SH3BGRL: variants seen among roughly 807,000 people sequenced by gnomAD.
SH3BGRL encodes adapter SH3BGRL.
Under a neutral mutation model 9.8 loss-of-function variants are expected in SH3BGRL, and 7 were observed. The ratio of observed to expected loss-of-function variants is 0.72; its 90% CI spans 0.41 to 1.35. The LOEUF (loss-of-function observed/expected upper bound fraction) is 1.35. Ranked by LOEUF, SH3BGRL falls within the 40% of genes most tolerant of loss-of-function variation. The pLI is 0.01. For synonymous variants in SH3BGRL, 36 were observed against 29.1 expected (o/e 1.24, Z -0.76); for missense variants, 73 against 84.4 (o/e 0.86, Z 0.53).
intron 1 of SH3BGRL, among the ~76,000 whole-genome samples, chrX:81,210,369 A>G (rs1032826426): frequency 1.8e-5 from 2 of 111,434 alleles, no homozygotes; most frequent in African/African-American, 3.3e-5. Context: ...GTTATATCAA[A>G]TTTGATTTAG....
chrX:81,274,234 A>G (rs2075790158), intron 1 of SH3BGRL, among the ~76,000 whole-genome samples: 1 of 111,299 alleles, frequency 9.0e-6, no homozygotes, highest in Admixed American at 9.6e-5. Context: ...TTTAAGTCCT[A>G]TTAGGGAAAT....
At chrX:81,237,174 C>T (rs1194030207) in intron 1 of SH3BGRL, 20 of 496,913 alleles carry the variant, frequency 4.0e-5, no homozygotes, top group Admixed American at 3.7e-4. Context: ...CCCCTTCACA[C>T]GAACACCAAT....
chrX:81,214,629 A>G (rs1041746363), intron 1 of SH3BGRL, among the ~76,000 whole-genome samples: 1 of 111,962 alleles, frequency 8.9e-6, no homozygotes, highest in Non-Finnish European at 1.9e-5. Flanking sequence ...TATTTGTGAT[A>G]GGAAAGGATG....
chrX:81,237,911 G>T, intron 1 of SH3BGRL, among the ~76,000 whole-genome samples: 1 of 107,025 alleles, frequency 9.3e-6, no homozygotes, highest in Admixed American at 1.0e-4. Flanking sequence ...AGCCACAGCA[G>T]GACAGGGCAC....
intron 1 of SH3BGRL, among the ~76,000 whole-genome samples, chrX:81,219,519 G>T (rs973480581): frequency 2.7e-5 from 3 of 111,094 alleles, no homozygotes; most frequent in African/African-American, 9.8e-5. Context: ...GGGATTTTTT[G>T]GTGAAGTCTT....
In SH3BGRL at chrX:81,290,163, T is replaced by C. The variant is rs150508063; in HGVS notation, c.313-7032T>C. Among the ~76,000 whole-genome samples the C allele has an allele frequency of 7.6e-3, 847 of 111,737 alleles. 9 individuals are homozygous for C. Among genetic ancestry groups the C allele is most frequent in the African/African-American group, 0.026 (790 of 30,768 alleles). On this transcript the variant is annotated intron_variant, in intron 3 of 3. Transcript: ENST00000373212. The stretch of plus-strand genomic sequence containing the variant: ...TTAATACAGCCACTATACAGAACAG[T>C]TTGGAGGTTCCTCAAAAACCTAAAA...
At chrX:81,249,808 A>T (rs1342280745) in intron 1 of SH3BGRL, among the ~76,000 whole-genome samples, 1 of 111,495 alleles carries the variant, frequency 9.0e-6, no homozygotes, top group Non-Finnish European at 1.9e-5. Flanking sequence ...AGTTAGGAAG[A>T]ATATCGGTGA....
chrX:81,233,229 C>T (rs903088681), intron 1 of SH3BGRL, among the ~76,000 whole-genome samples: 2 of 110,863 alleles, frequency 1.8e-5, no homozygotes, highest in African/African-American at 6.6e-5. Context: ...TAAACAACAG[C>T]ATCTACACAT....
At chrX:81,241,110 T>C (rs2075667478) in intron 1 of SH3BGRL, among the ~76,000 whole-genome samples, 1 of 112,622 alleles carries the variant, frequency 8.9e-6, no homozygotes, top group African/African-American at 3.2e-5. Flanking sequence ...TGGAGCAAAG[T>C]TGTGGCCTTG....
rs2075815476 is a variant in SH3BGRL, at chrX:81,281,127, A to T, written c.312+2716A>T. 2.7e-5 allele frequency among the ~76,000 whole-genome samples: 3 copies of T among 111,302 alleles called. No homozygotes were observed. In the South Asian group the frequency reaches 1.1e-3, roughly 42 times the overall value. ...TAACCCAATCCAACAAAGACAAAGA[A>T]AAAAGAATAAGAAAATACGAACAAA... On this transcript the variant is annotated intron_variant, in intron 3 of 3. Transcript: ENST00000373212.
At chrX:81,245,132 A>G (rs771284898) in intron 1 of SH3BGRL, among the ~76,000 whole-genome samples, 2 of 112,156 alleles carry the variant, frequency 1.8e-5, no homozygotes, top group Admixed American at 1.9e-4. Flanking sequence ...TAAAGCATCA[A>G]TAGAATAGAT....
intron 1 of SH3BGRL, among the ~76,000 whole-genome samples, chrX:81,217,147 T>C (rs1178968821): frequency 9.0e-6 from 1 of 111,084 alleles, no homozygotes; most frequent in Non-Finnish European, 1.9e-5. Context: ...TTTATATATA[T>C]TTATTTGTAT....
intron 3 of SH3BGRL, among the ~76,000 whole-genome samples, chrX:81,285,483 G>T (rs2075831433): frequency 9.0e-6 from 1 of 111,309 alleles, no homozygotes; most frequent in Non-Finnish European, 1.9e-5. Flanking sequence ...TTCACATTGG[G>T]TATTATAATC....
chrX:81,236,101 A>G (rs960452627), intron 1 of SH3BGRL, among the ~76,000 whole-genome samples: 2 of 111,364 alleles, frequency 1.8e-5, no homozygotes, highest in Non-Finnish European at 3.8e-5. Flanking sequence ...ACTCAAGGGT[A>G]TGGACTCAGA....
chrX:81,238,816 G>GAGAGAGAC (rs1556110697), intron 1 of SH3BGRL, among the ~76,000 whole-genome samples: 2 of 110,021 alleles, frequency 1.8e-5, no homozygotes, highest in African/African-American at 6.6e-5. Context: ...GAGAGAGAGA[G>GAGAGAGAC]AGAGAGAGAG....
rs190338526 is a variant in SH3BGRL, at chrX:81,280,750, C to T, written c.312+2339C>T. Among the ~76,000 whole-genome samples, 114 of 111,417 alleles carry T rather than the reference C, an allele frequency of 1.0e-3. 1 individual carries two copies. The highest frequency in any genetic ancestry group is 1.7e-3 in the Non-Finnish European group (88 of 53,078). ...CAGAAAACCAACAGTGGTAATATGA[C>T]AAAACAGTTCCCTTCAACATCTGCA... On this transcript the variant is annotated intron_variant, in intron 3 of 3. Transcript: ENST00000373212.
chrX:81,231,651 C>T (rs1477260501), intron 1 of SH3BGRL, among the ~76,000 whole-genome samples: 1 of 111,913 alleles, frequency 8.9e-6, no homozygotes, highest in Non-Finnish European at 1.9e-5. Context: ...ATCAATTTAA[C>T]TGAATTGCTG....
intron 1 of SH3BGRL, among the ~76,000 whole-genome samples, chrX:81,212,062 TG>T (rs1297024407): frequency 1.8e-5 from 2 of 110,245 alleles, no homozygotes; most frequent in Non-Finnish European, 3.8e-5. Context: ...ATTCAGTAGT[TG>T]GGGTGAAATA....
At chrX:81,263,745 ATTT>A (rs796332219) in intron 1 of SH3BGRL, among the ~76,000 whole-genome samples, 1 of 107,490 alleles carries the variant, frequency 9.3e-6, no homozygotes. Flanking sequence ...TTCGTTGGGC[ATTT>A]TTTTTTTAAA....
Sources: gnomAD v4.1 joint callset for allele counts (sites outside exome capture counted in the v4.1 genomes callset) on GRCh38, gnomAD v4.1.1 for gene constraint, MANE v1.5 for transcripts, NCBI Gene and HGNC (gene_info 2026-07-23, HGNC 2026-07-21) for gene names.